The following GLI3 variants were observed in gnomAD, a reference collection of about 807,000 sequenced individuals.
GLI3 encodes the protein transcription activator GLI3.
Under a neutral mutation model 100.8 loss-of-function variants are expected in GLI3, and 20 were observed. The ratio of observed to expected loss-of-function variants is 0.20; its 90% CI spans 0.14 to 0.29. GLI3 has a LOEUF of 0.29. Among genes scored for constraint, GLI3 ranks in the 10% least tolerant of loss-of-function variants. The probability of loss-of-function intolerance (pLI) is 1.00; values close to 1 mark genes in which losing one functional copy is unlikely to be tolerated. For synonymous variants in GLI3, 938 were observed against 860.5 expected (o/e 1.09, Z -1.58); for missense variants, 2,040 against 2,128.5 (o/e 0.96, Z 0.82).
At chr7:42,254,171 A>T (rs1340567602) in intron 1 of GLI3, among the ~76,000 whole-genome samples, 1 of 144,594 alleles carries the variant, frequency 6.9e-6, no homozygotes, top group Non-Finnish European at 1.5e-5. Flanking sequence ...GTGAGCCGAG[A>T]TTGTGCCACT....
At chr7:42,157,969 T>C (rs1311545773) in intron 2 of GLI3, among the ~76,000 whole-genome samples, 1 of 152,220 alleles carries the variant, frequency 6.6e-6, no homozygotes, top group Non-Finnish European at 1.5e-5. Flanking sequence ...TGTCATTTTA[T>C]GTAAAATTAG....
intron 3 of GLI3, among the ~76,000 whole-genome samples, chr7:42,121,452 GCCCC>G (rs1444387518): frequency 6.6e-6 from 1 of 152,186 alleles, no homozygotes; most frequent in Non-Finnish European, 1.5e-5. Context: ...TACTGCCCCT[GCCCC>G]CAAAATAGCA....
chr7:42,065,348 C>T (rs1784653127), intron 4 of GLI3, among the ~76,000 whole-genome samples: 1 of 151,646 alleles, frequency 6.6e-6, no homozygotes, highest in South Asian at 2.1e-4. Context: ...AATTCTCATG[C>T]ACAAAAAAGC....
chr7:42,021,510 T>C (rs935718681), intron 10 of GLI3, among the ~76,000 whole-genome samples: 2 of 152,212 alleles, frequency 1.3e-5, no homozygotes, highest in African/African-American at 4.8e-5. Context: ...TACCTGCAAT[T>C]TCACCATCTT....
At chr7:42,084,483 G>C (rs846292) in intron 3 of GLI3, among the ~76,000 whole-genome samples, 94,968 of 152,076 alleles carry the variant, frequency 0.62, 30,445 homozygotes, top group African/African-American at 0.75. Context: ...CCACATCTAC[G>C]TACTGGCTGA....
chr7:42,132,276 A>AT lies in GLI3; in HGVS notation c.367+15949dup, dbSNP rs1326029361. On this transcript the variant is annotated intron_variant, in intron 3 of 14. Transcript: ENST00000395925. ...CCACTACGCCCGGCTAATTTTTTGT[A>AT]TTTTTAGTAGAGATGGGGTTTCACC... Among the ~76,000 whole-genome samples the AT allele has an allele frequency of 2.8e-5, 3 of 106,636 alleles. No individual in the cohort carries two copies. In the South Asian group the frequency reaches 7.5e-4, roughly 27 times the overall value. The allele number at this position is 106,636 out of a possible 152,430, so 70.0% of individuals were successfully genotyped here.
At chr7:42,086,660 AC>A (rs1468857734) in intron 3 of GLI3, among the ~76,000 whole-genome samples, 3 of 151,406 alleles carry the variant, frequency 2.0e-5, no homozygotes, top group East Asian at 3.9e-4. Context: ...CCCAAGTCTT[AC>A]CCCCTCTTCA....
chr7:42,107,597 G>C (rs144931064), intron 3 of GLI3, among the ~76,000 whole-genome samples: 164 of 152,326 alleles, frequency 1.1e-3, no homozygotes, highest in African/African-American at 3.7e-3. Context: ...CAGAGCAGGA[G>C]CTGGCAGATG....
intron 2 of GLI3, among the ~76,000 whole-genome samples, chr7:42,161,201 T>A (rs1216803826): frequency 6.6e-6 from 1 of 152,104 alleles, no homozygotes; most frequent in Non-Finnish European, 1.5e-5. Flanking sequence ...TATCTCAAAC[T>A]TTTTAATGGA....
rs1398063601 is a variant in GLI3, at chr7:42,230,010, T to C, written c.-42-6715A>G. Among the ~76,000 whole-genome samples the C allele has an allele frequency of 2.0e-5, 3 of 146,630 alleles. No homozygotes were observed. In the East Asian group the frequency reaches 6.2e-4, roughly 30 times the overall value. ...AAAATCAATTAGATATGCATAACCT[T>C]TGTGACACTCTAGCAGTTCCCAGGA... On this transcript the variant is annotated intron_variant, in intron 1 of 14. Transcript: ENST00000395925.
rs773687251 is a variant in GLI3 at position 41,965,404 on chromosome 7, G to A, written c.3669C>T (p.Tyr1223=). Residue 1223 remains tyrosine (Y), a synonymous_variant, in exon 15 of 15, where the codon TAC becomes TAT. Coordinates refer to ENST00000395925, the MANE Select transcript of GLI3 (RefSeq NM_000168.6). ...GGAGCATCAAGTGCTCTGGGCCACCGTAGGGGTTGCTGTTCTCCCCGAGGG... is the reference window on the plus strand; with the variant it reads ...GGAGCATCAAGTGCTCTGGGCCACCATAGGGGTTGCTGTTCTCCCCGAGGG... ...YQTLGENSNP[Y]GGPEHLMLHN... 51 of 1,610,194 alleles carry A rather than the reference G, an allele frequency of 3.2e-5. No homozygotes were observed. The highest frequency in any genetic ancestry group is 4.0e-5 in the African/African-American group (3 of 74,872).
At chr7:42,182,709 CATATAAAT>C (rs1204840293) in intron 2 of GLI3, among the ~76,000 whole-genome samples, 1 of 76,622 alleles carries the variant, frequency 1.3e-5, no homozygotes. Context: ...TATATACACA[CATATAAAT>C]ACACACACAC....
At chr7:42,184,746 C>T (rs1464819653) in intron 2 of GLI3, among the ~76,000 whole-genome samples, 1 of 152,066 alleles carries the variant, frequency 6.6e-6, no homozygotes, top group Admixed American at 6.5e-5. Flanking sequence ...ATTCCTGGGG[C>T]AGCCCTCACC....
intron 3 of GLI3, among the ~76,000 whole-genome samples, chr7:42,083,735 T>A (rs1407798534): frequency 6.6e-6 from 1 of 152,242 alleles, no homozygotes; most frequent in Non-Finnish European, 1.5e-5. Flanking sequence ...ACATCAAGTA[T>A]TTTCAATGCA....
At chr7:42,228,263 C>G (rs1347156580) in intron 1 of GLI3, among the ~76,000 whole-genome samples, 1 of 152,118 alleles carries the variant, frequency 6.6e-6, no homozygotes, top group Admixed American at 6.5e-5. Flanking sequence ...AGAGACGGCT[C>G]TGGGTGTCTG....
chr7:42,142,896 G>A lies in GLI3; in HGVS notation c.367+5330C>T, dbSNP rs542764982. On this transcript the variant is annotated intron_variant, in intron 3 of 14. Coordinates refer to ENST00000395925, the MANE Select transcript of GLI3 (RefSeq NM_000168.6). ...GGAGCTTGCAGTGAGCCGAGATTGCGCCACTGCACAGCCTGGGCGAGAGCA... is the reference window on the plus strand; with the variant it reads ...GGAGCTTGCAGTGAGCCGAGATTGCACCACTGCACAGCCTGGGCGAGAGCA... 5.4e-4 allele frequency among the ~76,000 whole-genome samples: 74 copies of A among 136,390 alleles called. No individual in the cohort carries two copies. The Middle Eastern group carries it at 0.033, about 61-fold the overall frequency. The allele number at this position is 136,390 out of a possible 152,430, so 89.5% of individuals were successfully genotyped here. A position where few individuals can be genotyped will look rare whatever the true frequency, so the allele number is the denominator to read the frequency against.
At chr7:42,204,445 A>G (rs1056148594) in intron 2 of GLI3, among the ~76,000 whole-genome samples, 21 of 152,202 alleles carry the variant, frequency 1.4e-4, no homozygotes, top group Admixed American at 2.6e-4. Flanking sequence ...ACTTTCCTTC[A>G]TACTCTATAG....
At chr7:42,261,336 C>A (rs533413808) in intron 1 of GLI3, among the ~76,000 whole-genome samples, 12 of 152,120 alleles carry the variant, frequency 7.9e-5, no homozygotes, top group Non-Finnish European at 1.0e-4. Flanking sequence ...GAGGGACCCA[C>A]CCCCATAGAT....
In GLI3 at chr7:41,965,894, A is replaced by G; in HGVS notation, c.3179T>C (p.Phe1060Ser). 6.2e-7 allele frequency: 1 copy of G among 1,613,444 alleles called. No homozygotes were observed. Among genetic ancestry groups the G allele is most frequent in the Non-Finnish European group, 8.5e-7 (1 of 1,179,870 alleles). ...TRPEGGQSRN[F>S]HSSPCPPSIT... ...GCTGGGAGGACAGGGGGACGAGTGG[A>G]AGTTTCGGGACTGGCCGCCCTCGGG... is the stretch of plus-strand genomic sequence containing the variant. Residue 1060 changes from phenylalanine to serine, a missense_variant, in exon 15 of 15, where the codon TTC becomes TCC. Physicochemically the swap from Phe to Ser is radical, Grantham distance 155 (BLOSUM62 -2). Coordinates refer to ENST00000395925, the MANE Select transcript of GLI3 (RefSeq NM_000168.6).
Sources: gnomAD v4.1 joint callset for allele counts (sites outside exome capture counted in the v4.1 genomes callset) on GRCh38, gnomAD v4.1.1 for gene constraint, MANE v1.5 for transcripts, NCBI Gene and HGNC (gene_info 2026-07-23, HGNC 2026-07-21) for gene names.